PCNT: variants seen among roughly 807,000 people sequenced by gnomAD.
PCNT encodes kendrin.
PCNT carries 319 observed loss-of-function variants against 380.4 expected under a neutral mutation model. The observed-to-expected ratio is 0.84, with a 90% CI of 0.77 to 0.92. The LOEUF is 0.92. Ranked by LOEUF, PCNT falls within the 40% of genes least tolerant of loss-of-function variation. The probability of loss-of-function intolerance (pLI) is 0.00; values close to 1 mark genes in which losing one functional copy is unlikely to be tolerated. For synonymous variants in PCNT, 1,845 were observed against 1,735.2 expected (o/e 1.06, Z -1.57); for missense variants, 4,400 against 4,255.3 (o/e 1.03, Z -0.95).
chr21:46,412,071 G>T lies in PCNT; in HGVS notation c.5994+4G>T, dbSNP rs781737632. On this transcript the variant is annotated splice_donor_region_variant and intron_variant, in intron 28 of 46. Coordinates refer to ENST00000359568, the MANE Select transcript of PCNT (RefSeq NM_006031.6). ...GCCGGTTGTCCCTGACCCACAGGTG[G>T]GCTCCCCCCGCGGGCCATGGCAGGG... 6.2e-7 allele frequency: 1 copy of T among 1,605,678 alleles called. No homozygotes were observed. Among genetic ancestry groups the T allele is most frequent in the East Asian group, 2.2e-5 (1 of 44,834 alleles).
chr21:46,366,835 C>A lies in PCNT; in HGVS notation c.2861C>A (p.Ala954Asp). ...GTGGCCGAACTGCAGACAAAACACG[C>A]TGCCGACCTCGGCGCTCTGGAGACC... is the stretch of plus-strand genomic sequence containing the variant. ...ARVAELQTKHAADLGALETRH... is the reference protein window; with the variant it reads ...ARVAELQTKHDADLGALETRH... Residue 954 changes from alanine (A) to aspartate (D), a missense_variant, in exon 15 of 47, where the codon GCT (alanine) becomes GAT (aspartate). By Grantham distance (126) the Ala-to-Asp change is moderately radical. Coordinates refer to ENST00000359568, the MANE Select transcript of PCNT (RefSeq NM_006031.6). 1 of 1,614,008 alleles carries A rather than the reference C, an allele frequency of 6.2e-7. No individual in the cohort carries two copies. The highest frequency in any genetic ancestry group is 8.5e-7 in the Non-Finnish European group (1 of 1,180,046).
chr21:46,429,365 C>T (rs2087648095), intron 35 of PCNT, among the ~76,000 whole-genome samples: 1 of 131,564 alleles, frequency 7.6e-6, no homozygotes, highest in African/African-American at 3.4e-5. Context: ...TCGTGAGGGG[C>T]ACGGGCAGGG....
chr21:46,434,796 A>C (rs2087898775), intron 38 of PCNT, among the ~76,000 whole-genome samples: 1 of 152,194 alleles, frequency 6.6e-6, no homozygotes, highest in Non-Finnish European at 1.5e-5. Flanking sequence ...GTGCATGTTC[A>C]CATGCACAAA....
At chr21:46,333,447 GA>G (rs899287494) in intron 2 of PCNT, among the ~76,000 whole-genome samples, 8 of 129,236 alleles carry the variant, frequency 6.2e-5, no homozygotes, top group African/African-American at 1.4e-4. Context: ...AGACAAAAAA[GA>G]AAAAAAAAAT....
At chr21:46,384,057 T>C (rs375510246) in intron 16 of PCNT, among the ~76,000 whole-genome samples, 3 of 144,886 alleles carry the variant, frequency 2.1e-5, no homozygotes, top group Non-Finnish European at 3.0e-5. Flanking sequence ...CACAGTGCTG[T>C]GCATTCAGCA....
At chr21:46,407,340 C>CTTTTTTTTTTTTTT (rs899881614) in intron 27 of PCNT, among the ~76,000 whole-genome samples, 72 of 106,416 alleles carry the variant, frequency 6.8e-4, no homozygotes, top group East Asian at 2.2e-3. Flanking sequence ...TATACTTTCT[C>CTTTTTTTTTTTTTT]TTTTTTTTTT....
At chr21:46,325,889 G>A (rs78625410) in intron 1 of PCNT, among the ~76,000 whole-genome samples, 6,568 of 152,308 alleles carry the variant, frequency 0.043, 209 homozygotes, top group Non-Finnish European at 0.066. Context: ...AAAGGAAGAT[G>A]TGAGATTGAC....
rs1362514477 is a variant in PCNT at position 46,432,116 on chromosome 21, G to A, written c.8652G>A (p.Glu2884=). 2 of 1,614,138 alleles carry A rather than the reference G, an allele frequency of 1.2e-6. No homozygotes were observed. The highest frequency in any genetic ancestry group is 1.7e-4 in the Middle Eastern group (1 of 6,060). The stretch of plus-strand genomic sequence containing the variant: ...AGCAGTCACACCCACGGTTGAAAGA[G>A]CAAGAAGGACGCAAGGCTGCGAGGA... ...ELEQSHPRLK[E]QEGRKAARRS... The change falls in exon 38 of 47, where the codon GAG becomes GAA. Residue 2884 remains glutamate (E), a synonymous_variant. Coordinates refer to ENST00000359568, the MANE Select transcript of PCNT (RefSeq NM_006031.6).
rs980563507 is a variant in PCNT, at chr21:46,432,291, G to T, written c.8751+76G>T. 5.7e-6 allele frequency: 8 copies of T among 1,413,344 alleles called. No homozygotes were observed. The African/African-American group carries it at 9.9e-5, about 18-fold the overall frequency. 87.6% of individuals were successfully genotyped at this position (1,413,344 alleles called of 1,614,324 possible). A position where few individuals can be genotyped will look rare whatever the true frequency, so the allele number is the denominator to read the frequency against. ...TGGAGTTAGGATGGTTCACGTGGGG[G>T]ACGCGAGATTTATGTCTGGCCCTCT... is the stretch of plus-strand genomic sequence containing the variant. On this transcript the variant is annotated intron_variant, in intron 38 of 46. Transcript: ENST00000359568.
At chr21:46,375,964 T>G (rs1242898025) in intron 15 of PCNT, among the ~76,000 whole-genome samples, 2 of 152,194 alleles carry the variant, frequency 1.3e-5, no homozygotes, top group Non-Finnish European at 2.9e-5. Context: ...ACTGCACACA[T>G]GGAGCTTCCA....
In PCNT at chr21:46,445,409, G is replaced by A. The variant is rs914802452; in HGVS notation, c.*82G>A. On this transcript the variant is annotated 3_prime_UTR_variant, in exon 47 of 47. Coordinates refer to ENST00000359568, the MANE Select transcript of PCNT (RefSeq NM_006031.6). ...TCCCTTTTCCCAAGGAAGCTCGTGGGACAGCATGGGCACTACTCTTCATGT... is the reference window on the plus strand; with the variant it reads ...TCCCTTTTCCCAAGGAAGCTCGTGGAACAGCATGGGCACTACTCTTCATGT... 1.1e-5 allele frequency: 12 copies of A among 1,064,082 alleles called. No individual in the cohort carries two copies. The highest frequency in any genetic ancestry group is 4.4e-6 in the Non-Finnish European group (3 of 677,404). The allele number at this position is 1,064,082 out of a possible 1,614,324, so 65.9% of individuals were successfully genotyped here.
rs1456581902 is a variant in PCNT, at chr21:46,371,994, CACACACACACAGCACAT to C, written c.3165+4856_3165+4872del. 2.0e-3 allele frequency among the ~76,000 whole-genome samples: 300 copies of C among 150,136 alleles called. 2 individuals are homozygous for C. The highest frequency in any genetic ancestry group is 0.01 in the Middle Eastern group (3 of 290). ...AGCACATACACACATGCAGCACATG[CACACACACACAGCACAT>C]GCACACACACAGCACATACATGCAG... is the stretch of plus-strand genomic sequence containing the variant. On this transcript the variant is annotated intron_variant, in intron 15 of 46. Transcript: ENST00000359568.
chr21:46,339,147 C>A (rs2083844985), intron 3 of PCNT, among the ~76,000 whole-genome samples: 1 of 152,182 alleles, frequency 6.6e-6, no homozygotes, highest in South Asian at 2.1e-4. Flanking sequence ...AACTCATGAT[C>A]TCAGGTGATC....
chr21:46,375,785 G>A (rs927671877), intron 15 of PCNT, among the ~76,000 whole-genome samples: 2 of 152,240 alleles, frequency 1.3e-5, no homozygotes, highest in Admixed American at 1.3e-4. Context: ...CCCCCGCGGG[G>A]AGCCGCCTCA....
In PCNT at chr21:46,381,969, T is replaced by G. The variant is rs552292328; in HGVS notation, c.3312+129T>G. 1.2e-5 allele frequency: 11 copies of G among 924,244 alleles called. No individual in the cohort carries two copies. In the African/African-American group the frequency reaches 1.8e-4, roughly 15 times the overall value. 57.3% of individuals were successfully genotyped at this position (924,244 alleles called of 1,614,324 possible). A position where few individuals can be genotyped will look rare whatever the true frequency, so the allele number is the denominator to read the frequency against. On this transcript the variant is annotated intron_variant, in intron 16 of 46. Transcript: ENST00000359568. ...GTTGTGCATTTATAGTGTTGTACAT[T>G]CAGTGGCGGAAGCGCATTCACAGTG... is the stretch of plus-strand genomic sequence containing the variant.
At chr21:46,363,423 T>C in intron 13 of PCNT, 57 bp from the exon 14 acceptor site, 1 of 1,435,512 alleles carries the variant, frequency 7.0e-7, no homozygotes, top group Non-Finnish European at 9.8e-7. Flanking sequence ...GGTTGTCTCT[T>C]CTAATAATCT....
At position 46,383,896 on chromosome 21, in the gene PCNT, T is replaced by G. The variant is rs1245132853; in HGVS notation, c.3313-1936T>G. On this transcript the variant is annotated intron_variant, in intron 16 of 46. Transcript: ENST00000359568. ...CGCATTCACGGTGTTGTGCATTCAG[T>G]GGCAGAAGCGCATTCACAGTGTTGT... is the stretch of plus-strand genomic sequence containing the variant. Among the ~76,000 whole-genome samples, 12 of 143,064 alleles carry G rather than the reference T, an allele frequency of 8.4e-5. 3 individuals carry two copies. The Admixed American group carries it at 8.5e-4, about 10-fold the overall frequency. 93.9% of individuals were successfully genotyped at this position (143,064 alleles called of 152,430 possible).
intron 20 of PCNT, 41 bp downstream of exon 20, chr21:46,390,873 C>T (rs1485665215): frequency 1.5e-5 from 24 of 1,585,584 alleles, no homozygotes; most frequent in Non-Finnish European, 1.9e-5. Flanking sequence ...AGCACAGGCA[C>T]GGGGAGCAGG....
At chr21:46,410,614 A>G (rs1408753104) in intron 27 of PCNT, among the ~76,000 whole-genome samples, 1 of 152,222 alleles carries the variant, frequency 6.6e-6, no homozygotes, top group Non-Finnish European at 1.5e-5. Context: ...AGTGGAAACA[A>G]TCGTATTTCC....
Sources: gnomAD v4.1 joint callset for allele counts (sites outside exome capture counted in the v4.1 genomes callset) on GRCh38, gnomAD v4.1.1 for gene constraint, MANE v1.5 for transcripts, NCBI Gene and HGNC (gene_info 2026-07-23, HGNC 2026-07-21) for gene names.